The following TUBB8B variants were observed in gnomAD, a reference collection of about 807,000 sequenced individuals.
TUBB8B encodes the protein HSA18p11 beta-tubulin 4Q pseudogene.
A neutral mutation model predicts 31.9 loss-of-function variants in TUBB8B; 26 were observed. The observed-to-expected ratio is 0.81, with a 90% CI of 0.60 to 1.13. TUBB8B has a LOEUF of 1.13. Among genes scored for constraint, TUBB8B ranks in the 50% most tolerant of loss-of-function variants. The pLI is 0.00. For synonymous variants in TUBB8B, 173 were observed against 231.0 expected (o/e 0.75, Z 2.28); for missense variants, 467 against 586.7 (o/e 0.80, Z 2.11).
At position 48,278 on chromosome 18, in the gene TUBB8B, G is replaced by T; in HGVS notation, c.447C>A (p.Thr149=). 1 of 1,612,664 alleles carries T rather than the reference G, an allele frequency of 6.2e-7. No individual in the cohort carries two copies. Among genetic ancestry groups the T allele is most frequent in the Non-Finnish European group, 8.5e-7 (1 of 1,178,980 alleles). ...LGGGTGSGMG[T]LLISKIREEY... ...CCTCCCGGATCTTACTAATGAGAAG[G>T]GTACCCATCCCAGACCCAGTCCCCC... is the stretch of plus-strand genomic sequence containing the variant. The change falls in exon 4 of 4, where the codon ACC becomes ACA. Residue 149 remains threonine (T), a synonymous_variant. Transcript: ENST00000308911.
the TUBB8B span, among the ~76,000 whole-genome samples, chr18:65,068 A>G: frequency 0.098 from 14,939 of 152,094 alleles, 1,142 homozygotes; most frequent in East Asian, 0.45. Flanking sequence ...TGGGAGGCCA[A>G]GGCAGACAGA....
chr18:66,981 TTTC>T, the TUBB8B span, among the ~76,000 whole-genome samples: 1 of 148,390 alleles, frequency 6.7e-6, no homozygotes. Flanking sequence ...TACAAGTTAT[TTTC>T]TTGTTTTTTT....
At chr18:49,777 C>T (rs1403497964), upstream of TUBB8B, 1 of 662,546 alleles carries the variant, frequency 1.5e-6, no homozygotes, top group East Asian at 3.1e-5. Context: ...GGTGTCCTTG[C>T]TATGGTCCCT....
chr18:64,205 T>C, the TUBB8B span, among the ~76,000 whole-genome samples: 3 of 152,156 alleles, frequency 2.0e-5, no homozygotes, highest in East Asian at 5.8e-4. Context: ...CCTAACACAC[T>C]AGGCACACAA....
chr18:47,767 G>T lies in TUBB8B; in HGVS notation c.958C>A (p.Arg320Ser), dbSNP rs558884673. 2 of 1,611,456 alleles carry T rather than the reference G, an allele frequency of 1.2e-6. No homozygotes were observed. The highest frequency in any genetic ancestry group is 2.7e-5 in the African/African-American group (2 of 74,982). ...TCATCCACCTCCCTCATGGGCATGC[G>T]ACCCCTGAAAATGGCAGCCACCGTT... ...YLTVAAIFRG[R>S]MPMREVDEQM... The change falls in exon 4 of 4, where the codon CGC (arginine) becomes AGC (serine). Residue 320 changes from arginine to serine, a missense_variant. By Grantham distance (110) the Arg-to-Ser change is moderately radical. This residue lies in a region of TUBB8B where 208 missense variants were observed against 206.7 expected (regional missense o/e 1.01). Coordinates refer to ENST00000308911, the MANE Select transcript of TUBB8B (RefSeq NM_001358689.2).
upstream of TUBB8B, among the ~76,000 whole-genome samples, chr18:53,672 T>G (rs1906195030): frequency 6.6e-6 from 1 of 151,850 alleles, no homozygotes; most frequent in South Asian, 2.1e-4. Flanking sequence ...TTTCATTCTG[T>G]TGGCCAGGCT....
chr18:54,887 T>G, the TUBB8B span, among the ~76,000 whole-genome samples: 258 of 152,124 alleles, frequency 1.7e-3, 1 homozygote, highest in Middle Eastern at 0.017. Flanking sequence ...TATCTCATTT[T>G]GGGTTTGATT....
the TUBB8B span, among the ~76,000 whole-genome samples, chr18:62,412 TA>T: frequency 7.0e-6 from 1 of 143,792 alleles, no homozygotes; most frequent in African/African-American, 2.6e-5. Context: ...TTTCTTTAAA[TA>T]AATGTTTAAT....
chr18:48,800 G>A, intron 3 of TUBB8B, 140 bp downstream of exon 3: 1 of 736,434 alleles, frequency 1.4e-6, no homozygotes, highest in South Asian at 1.5e-5. Context: ...TTAGGAGGCA[G>A]ATGAAGCGAC....
the TUBB8B span, among the ~76,000 whole-genome samples, chr18:71,282 T>C: frequency 1.3e-5 from 2 of 151,464 alleles, no homozygotes; most frequent in South Asian, 4.2e-4. Context: ...GTACAGTGGC[T>C]CACACCTATA....
chr18:72,196 A>AAAAAAAAAAAAC, the TUBB8B span, among the ~76,000 whole-genome samples: 216 of 84,454 alleles, frequency 2.6e-3, 12 homozygotes, highest in South Asian at 8.4e-3. Flanking sequence ...AAAAAAAAAA[A>AAAAAAAAAAAAC]AAAGGAAAAA....
chr18:68,353 G>A, the TUBB8B span, among the ~76,000 whole-genome samples: 2,052 of 117,492 alleles, frequency 0.017, no homozygotes, highest in African/African-American at 0.042. Flanking sequence ...ATCAGGAAAT[G>A]CAAGGTCTCT....
At chr18:62,867 T>C in the TUBB8B span, among the ~76,000 whole-genome samples, 1 of 151,832 alleles carries the variant, frequency 6.6e-6, no homozygotes, top group Non-Finnish European at 1.5e-5. Flanking sequence ...TCTTTTCAAA[T>C]AGTCTGACTT....
upstream of TUBB8B, among the ~76,000 whole-genome samples, chr18:50,763 C>A (rs979464154): frequency 6.6e-6 from 1 of 152,018 alleles, no homozygotes; most frequent in Non-Finnish European, 1.5e-5. Flanking sequence ...TGCTGACCAG[C>A]ACGCCCACAA....
chr18:56,293 T>A, the TUBB8B span, among the ~76,000 whole-genome samples: 1 of 151,886 alleles, frequency 6.6e-6, no homozygotes, highest in Non-Finnish European at 1.5e-5. Context: ...ATACTCAGAA[T>A]AGCTTTGACT....
chr18:57,370 A>G, the TUBB8B span, among the ~76,000 whole-genome samples: 1 of 151,734 alleles, frequency 6.6e-6, no homozygotes, highest in African/African-American at 2.4e-5. Context: ...GGAATAAATC[A>G]GCTAAAAAAA....
Position 48,449 on chromosome 18 carries a change from T to C in TUBB8B, c.278-2A>G. 3 of 1,565,486 alleles carry C rather than the reference T, an allele frequency of 1.9e-6. No individual in the cohort carries two copies. Among genetic ancestry groups the C allele is most frequent in the Non-Finnish European group, 1.8e-6 (2 of 1,138,002 alleles). On this transcript the variant is annotated splice_acceptor_variant, in intron 3 of 3. Transcript: ENST00000308911. LOFTEE classifies it high-confidence loss of function. ...AGTTGTTTCCGGCCCCACACTGACC[T>C]GTAAGACAGCACAGCCGGTCACTCG...
chr18:60,166 G>A, the TUBB8B span, among the ~76,000 whole-genome samples: 19 of 151,578 alleles, frequency 1.3e-4, no homozygotes, highest in African/African-American at 4.3e-4. Context: ...TTTGTTACTC[G>A]TTATTGGTCT....
At chr18:68,631 C>G in the TUBB8B span, among the ~76,000 whole-genome samples, 1 of 152,172 alleles carries the variant, frequency 6.6e-6, no homozygotes, top group Non-Finnish European at 1.5e-5. Flanking sequence ...ATCCACCCGC[C>G]CACAGCTGGT....
Sources: allele counts gnomAD v4.1 joint callset (sites outside exome capture counted in the v4.1 genomes callset), GRCh38; gene constraint gnomAD v4.1.1; regional missense constraint gnomAD v4.1.1; transcripts MANE v1.5; gene names NCBI Gene and HGNC (gene_info 2026-07-23, HGNC 2026-07-21).